The following SOX5 variants were observed in gnomAD, a reference collection of about 807,000 sequenced individuals.
SOX5 encodes transcription factor SOX-5.
Under a neutral mutation model 92.0 loss-of-function variants are expected in SOX5, and 9 were observed. That is an observed-to-expected ratio of 0.10 (90% CI 0.06 to 0.17). The LOEUF (loss-of-function observed/expected upper bound fraction) is 0.17, where lower values mean the gene tolerates loss of function less well. Ranked by LOEUF, SOX5 falls within the 10% of genes least tolerant of loss-of-function variation. The pLI is 1.00. For synonymous variants in SOX5, 344 were observed against 336.3 expected (o/e 1.02, Z -0.25); for missense variants, 642 against 944.5 (o/e 0.68, Z 4.20).
chr12:23,937,855 C>T (rs1195956870), intron 1 of SOX5, among the ~76,000 whole-genome samples: 3 of 150,862 alleles, frequency 2.0e-5, no homozygotes, highest in Non-Finnish European at 3.0e-5. Context: ...TTCTAAGGTA[C>T]CAATAAAAGT....
chr12:23,838,959 C>A (rs2096476225), intron 3 of SOX5, among the ~76,000 whole-genome samples: 1 of 151,674 alleles, frequency 6.6e-6, no homozygotes, highest in Non-Finnish European at 1.5e-5. Flanking sequence ...CCTACCTCAG[C>A]CTCCCAAGCA....
chr12:24,243,272 A>C (rs987249702), intron 3 of SOX5, among the ~76,000 whole-genome samples: 1 of 152,154 alleles, frequency 6.6e-6, no homozygotes, highest in Non-Finnish European at 1.5e-5. Context: ...TAACAATCAA[A>C]ATTCAATTTC....
At chr12:24,391,610 T>G (rs1404165905) in intron 1 of SOX5, among the ~76,000 whole-genome samples, 1 of 152,154 alleles carries the variant, frequency 6.6e-6, no homozygotes, top group Non-Finnish European at 1.5e-5. Flanking sequence ...GTCAACTAAA[T>G]CAAATGTTAT....
intron 1 of SOX5, among the ~76,000 whole-genome samples, chr12:24,459,546 A>T (rs939429792): frequency 6.6e-6 from 1 of 152,154 alleles, no homozygotes; most frequent in African/African-American, 2.4e-5. Context: ...TGTTGAATTA[A>T]TTTATCGATT....
intron 1 of SOX5, among the ~76,000 whole-genome samples, chr12:24,482,093 C>T (rs1946058792): frequency 6.6e-6 from 1 of 152,228 alleles, no homozygotes; most frequent in South Asian, 2.1e-4. Flanking sequence ...TTGTCCTTCG[C>T]CTCGGTAACC....
At chr12:23,723,625 TAC>T (rs1302747819) in intron 6 of SOX5, among the ~76,000 whole-genome samples, 4 of 147,226 alleles carry the variant, frequency 2.7e-5, no homozygotes, top group Non-Finnish European at 6.0e-5. Flanking sequence ...CAAACACACA[TAC>T]ACACACATAT....
At chr12:23,875,897 A>G (rs184413623) in intron 2 of SOX5, among the ~76,000 whole-genome samples, 1 of 152,320 alleles carries the variant, frequency 6.6e-6, no homozygotes, top group East Asian at 1.9e-4. Context: ...AATATTTCAG[A>G]CTTTACAAGC....
At chr12:23,889,677 T>C (rs1042718767) in intron 2 of SOX5, among the ~76,000 whole-genome samples, 5 of 152,174 alleles carry the variant, frequency 3.3e-5, no homozygotes, top group African/African-American at 1.2e-4. Flanking sequence ...TCAGGTGTAT[T>C]TCCAAACTCT....
chr12:24,068,271 G>C (rs1412892452), intron 4 of SOX5, among the ~76,000 whole-genome samples: 1 of 152,142 alleles, frequency 6.6e-6, no homozygotes, highest in Non-Finnish European at 1.5e-5. Flanking sequence ...TTAGAGATTC[G>C]AGGCCAGTAT....
chr12:23,872,156 C>A (rs1264257227), intron 2 of SOX5, among the ~76,000 whole-genome samples: 1 of 122,428 alleles, frequency 8.2e-6, no homozygotes, highest in Non-Finnish European at 1.8e-5. Context: ...CGCCACCACG[C>A]CCGGCTAATT....
chr12:23,855,063 A>G (rs927642761), intron 2 of SOX5, among the ~76,000 whole-genome samples: 1 of 152,018 alleles, frequency 6.6e-6, no homozygotes, highest in Non-Finnish European at 1.5e-5. Context: ...AAATAAAGAA[A>G]AAAAATAGAC....
At chr12:24,283,336 C>A (rs1227776182) in intron 2 of SOX5, among the ~76,000 whole-genome samples, 3 of 152,168 alleles carry the variant, frequency 2.0e-5, no homozygotes, top group Non-Finnish European at 4.4e-5. Context: ...TGATATTGAT[C>A]CTAAAAGTCA....
chr12:23,543,727 T>C (rs1260381647), intron 12 of SOX5, among the ~76,000 whole-genome samples: 1 of 152,196 alleles, frequency 6.6e-6, no homozygotes, highest in Non-Finnish European at 1.5e-5. Context: ...GGCATACCAG[T>C]AGTGTAGAAA....
At chr12:24,367,800 T>C (rs1028710632) in intron 2 of SOX5, 1 of 152,162 alleles carries the variant, frequency 6.6e-6, no homozygotes, top group Non-Finnish European at 1.5e-5. Context: ...TAGAGTTGTG[T>C]AGCATTTTCT....
At chr12:24,159,042 GGAGT>G (rs1952486450) in intron 4 of SOX5, among the ~76,000 whole-genome samples, 1 of 151,826 alleles carries the variant, frequency 6.6e-6, no homozygotes, top group African/African-American at 2.4e-5. Flanking sequence ...GCATTAATTT[GGAGT>G]GATATGATGT....
At chr12:23,742,862 T>C (rs2093847605) in intron 4 of SOX5, among the ~76,000 whole-genome samples, 2 of 151,980 alleles carry the variant, frequency 1.3e-5, no homozygotes, top group African/African-American at 4.8e-5. Flanking sequence ...AGCATGGTGG[T>C]ATGCAGCTGT....
upstream of SOX5, among the ~76,000 whole-genome samples, chr12:23,954,255 G>T (rs557345762): frequency 4.9e-4 from 75 of 151,906 alleles, no homozygotes; most frequent in Non-Finnish European, 5.3e-4. Context: ...ACATCTCATA[G>T]AATTTGGAAA....
At chr12:24,545,179 T>C (rs778468983) in intron 1 of SOX5, among the ~76,000 whole-genome samples, 4 of 152,150 alleles carry the variant, frequency 2.6e-5, no homozygotes, top group African/African-American at 4.8e-5. Flanking sequence ...ACCACCACCA[T>C]ATGTGTAGGT....
intron 1 of SOX5, among the ~76,000 whole-genome samples, chr12:24,490,438 T>TGAG (rs777635801): frequency 3.3e-5 from 5 of 152,224 alleles, no homozygotes; most frequent in Non-Finnish European, 5.9e-5. Context: ...ATAAAGTAAA[T>TGAG]GAGGCTGTTA....
Sources: allele counts gnomAD v4.1 joint callset (sites outside exome capture counted in the v4.1 genomes callset), GRCh38; gene constraint gnomAD v4.1.1; transcripts MANE v1.5; gene names NCBI Gene and HGNC (gene_info 2026-07-23, HGNC 2026-07-21).